CIBAR1: variants seen among roughly 807,000 people sequenced by gnomAD.
CIBAR1 encodes the protein CBY1-interacting BAR domain-containing protein 1.
A neutral mutation model predicts 44.0 loss-of-function variants in CIBAR1; 25 were observed. That is an observed-to-expected ratio of 0.57 (90% CI 0.41 to 0.79). The LOEUF is 0.79. Among genes scored for constraint, CIBAR1 ranks in the 30% least tolerant of loss-of-function variants. CIBAR1 has a pLI of 0.00. For synonymous variants in CIBAR1, 115 were observed against 119.0 expected (o/e 0.97, Z 0.22); for missense variants, 278 against 344.8 (o/e 0.81, Z 1.53).
rs937363706 is a variant in CIBAR1, at chr8:93,728,727, A to G, written c.*430A>G. ...GAATTCTATTCCATGAAGCCTTAAG[A>G]AAAAAAACTTTTTTTAACTTTCCCT... On this transcript the variant is annotated 3_prime_UTR_variant, in exon 9 of 9. Coordinates refer to ENST00000518322, the MANE Select transcript of CIBAR1 (RefSeq NM_145269.5). The G allele has an allele frequency of 3.9e-5, 6 of 152,058 alleles. No individual in the cohort carries two copies. The highest frequency in any genetic ancestry group is 1.2e-4 in the African/African-American group (5 of 41,368). The allele number at this position is 152,058 out of a possible 1,614,324, so 9.4% of individuals were successfully genotyped here. A position where few individuals can be genotyped will look rare whatever the true frequency, so the allele number is the denominator to read the frequency against.
At chr8:93,705,306 A>G in intron 4 of CIBAR1, 1 of 374,448 alleles carries the variant, frequency 2.7e-6, no homozygotes, top group South Asian at 9.6e-5. Context: ...CATGGTGATG[A>G]CTAAATATTA....
chr8:93,703,778 G>A, intron 3 of CIBAR1, 90 bp downstream of exon 3: 4 of 1,137,642 alleles, frequency 3.5e-6, no homozygotes, highest in South Asian at 3.2e-5. Context: ...GAAATACAAA[G>A]TAGTGGCCAA....
chr8:93,710,695 G>A lies in CIBAR1; in HGVS notation c.543+820G>A, dbSNP rs530990963. Reference sequence around the variant, plus strand: ...CTAAAAATACAAAAATTAGCCAGGCGTGATGGCACACACCTGTAATCCCAG... The same window carrying A: ...CTAAAAATACAAAAATTAGCCAGGCATGATGGCACACACCTGTAATCCCAG... On this transcript the variant is annotated intron_variant, in intron 6 of 8. Coordinates refer to ENST00000518322, the MANE Select transcript of CIBAR1 (RefSeq NM_145269.5). Among the ~76,000 whole-genome samples, 12 of 152,014 alleles carry A rather than the reference G, an allele frequency of 7.9e-5. No homozygotes were observed. In the East Asian group the frequency reaches 1.2e-3, roughly 15 times the overall value.
chr8:93,713,321 C>G (rs530506663), intron 6 of CIBAR1, among the ~76,000 whole-genome samples: 1 of 152,202 alleles, frequency 6.6e-6, no homozygotes, highest in African/African-American at 2.4e-5. Context: ...GCGTGAGCCA[C>G]CATGCCCGGC....
intron 7 of CIBAR1, 99 bp from the exon 8 acceptor site, chr8:93,726,295 G>T: frequency 9.4e-7 from 1 of 1,067,544 alleles, no homozygotes; most frequent in South Asian, 1.8e-5. Flanking sequence ...TTTGGGGGGA[G>T]TTGTTTTTTT....
intron 7 of CIBAR1, among the ~76,000 whole-genome samples, chr8:93,723,513 C>T (rs1811353191): frequency 6.6e-6 from 1 of 151,880 alleles, no homozygotes; most frequent in Admixed American, 6.6e-5. Flanking sequence ...CTCCTTTTCC[C>T]CCCCTCATAG....
Position 93,728,292 on chromosome 8 carries a change from A to C in CIBAR1, c.865A>C (p.Lys289Gln). Residue 289 changes from lysine to glutamine, a missense_variant, in exon 9 of 9, where the codon AAG (lysine) becomes CAG (glutamine). Physicochemically the swap from Lys to Gln is moderately conservative, Grantham distance 53. Coordinates refer to ENST00000518322, the MANE Select transcript of CIBAR1 (RefSeq NM_145269.5). ...LDVTEEENFL[K>Q] ...TGTTACAGAAGAAGAAAATTTTCTTAAGTAAACTACACATTTCCATTTTCA... is the reference window on the plus strand; with the variant it reads ...TGTTACAGAAGAAGAAAATTTTCTTCAGTAAACTACACATTTCCATTTTCA... 1 of 1,571,330 alleles carries C rather than the reference A, an allele frequency of 6.4e-7. No individual in the cohort carries two copies. Among genetic ancestry groups the C allele is most frequent in the Non-Finnish European group, 8.6e-7 (1 of 1,157,320 alleles).
intron 6 of CIBAR1, among the ~76,000 whole-genome samples, chr8:93,713,858 T>C (rs564071244): frequency 7.1e-4 from 108 of 152,342 alleles, no homozygotes; most frequent in African/African-American, 2.5e-3. Flanking sequence ...AATACCACAC[T>C]GTCCTAACAT....
chr8:93,709,354 T>C (rs1301793855), intron 5 of CIBAR1, among the ~76,000 whole-genome samples: 1 of 152,196 alleles, frequency 6.6e-6, no homozygotes, highest in Non-Finnish European at 1.5e-5. Flanking sequence ...TCATAAGTCC[T>C]TTTCAGGGGA....
At chr8:93,717,402 A>G (rs934279135) in intron 6 of CIBAR1, among the ~76,000 whole-genome samples, 4 of 152,208 alleles carry the variant, frequency 2.6e-5, no homozygotes, top group East Asian at 3.8e-4. Flanking sequence ...CCGTTTATCC[A>G]TCAGTTGCCA....
Position 93,701,220 on chromosome 8 carries a change from C to G in CIBAR1, c.27-4C>G, listed in dbSNP as rs1476639245. ...TTTTGCCTTTTGTGTCACCTTTTCC[C>G]TAGGAACGCTCAAACGAAACAACTG... On this transcript the variant is annotated splice_region_variant and splice_polypyrimidine_tract_variant and intron_variant, in intron 1 of 8. Transcript: ENST00000518322. 8 of 1,611,340 alleles carry G rather than the reference C, an allele frequency of 5.0e-6. No individual in the cohort carries two copies. The highest frequency in any genetic ancestry group is 6.8e-6 in the Non-Finnish European group (8 of 1,178,722).
At chr8:93,703,882 G>A (rs1810471664) in intron 3 of CIBAR1, among the ~76,000 whole-genome samples, 194 bp downstream of exon 3, 1 of 151,944 alleles carries the variant, frequency 6.6e-6, no homozygotes, top group African/African-American at 2.4e-5. Context: ...GGCCAACATA[G>A]TGAAACCCCG....
intron 7 of CIBAR1, among the ~76,000 whole-genome samples, chr8:93,723,940 T>C (rs140317721): frequency 6.6e-6 from 1 of 152,266 alleles, no homozygotes; most frequent in East Asian, 1.9e-4. Context: ...AGTTTTAGAA[T>C]AGAGAAAGAG....
chr8:93,706,078 G>A (rs1231283751), intron 4 of CIBAR1: 1 of 152,228 alleles, frequency 6.6e-6, no homozygotes, highest in East Asian at 1.9e-4. Flanking sequence ...GAAACCACAT[G>A]AGGAGTGGCT....
intron 5 of CIBAR1, among the ~76,000 whole-genome samples, chr8:93,709,238 C>A (rs1358636084): frequency 6.6e-6 from 1 of 152,064 alleles, no homozygotes; most frequent in Non-Finnish European, 1.5e-5. Context: ...CGAGAGCGTG[C>A]CACTGCACTC....
chr8:93,707,902 A>C, intron 4 of CIBAR1, 109 bp from the exon 5 acceptor site: 1 of 637,396 alleles, frequency 1.6e-6, no homozygotes, highest in Non-Finnish European at 2.5e-6. Context: ...GGTTACAATT[A>C]ATATATAACC....
At chr8:93,714,001 A>G (rs1159406118) in intron 6 of CIBAR1, among the ~76,000 whole-genome samples, 1 of 152,240 alleles carries the variant, frequency 6.6e-6, no homozygotes, top group African/African-American at 2.4e-5. Context: ...ATTTCTACAA[A>G]GAAGTCAGTT....
At chr8:93,719,293 T>C (rs1285568731) in intron 7 of CIBAR1, among the ~76,000 whole-genome samples, 2 of 152,254 alleles carry the variant, frequency 1.3e-5, no homozygotes, top group African/African-American at 4.8e-5. Flanking sequence ...AGAGTTAATT[T>C]ATTAATAGCT....
chr8:93,723,113 C>T (rs149887015), intron 7 of CIBAR1, among the ~76,000 whole-genome samples: 3,128 of 152,316 alleles, frequency 0.021, 98 homozygotes, highest in African/African-American at 0.071. Context: ...TCTCCTGCTT[C>T]AGCCTCCTGA....
Sources: allele counts gnomAD v4.1 joint callset (sites outside exome capture counted in the v4.1 genomes callset), GRCh38; gene constraint gnomAD v4.1.1; transcripts MANE v1.5; gene names NCBI Gene and HGNC (gene_info 2026-07-23, HGNC 2026-07-21).